Variants in ADAM17 observed in about 807,000 individuals in gnomAD.
ADAM17 encodes the protein ADAM metallopeptidase domain 17, also known as disintegrin and metalloproteinase domain-containing protein 17.
In ADAM17, 39 loss-of-function variants were observed where a neutral mutation model predicts 96.7. That is an observed-to-expected ratio of 0.40 (90% CI 0.31 to 0.53). The LOEUF is 0.53. Ranked by LOEUF, ADAM17 falls within the 20% of genes least tolerant of loss-of-function variation. The pLI is 0.44. For synonymous variants in ADAM17, 344 were observed against 359.2 expected, an observed-to-expected ratio of 0.96 and a Z score of 0.48; for missense variants, 777 against 1,013.2, an observed-to-expected ratio of 0.77 and a Z score of 3.17.
intron 11 of ADAM17, chr2:9,505,614 A>G: frequency 6.2e-6 from 3 of 487,738 alleles, no homozygotes; most frequent in African/African-American, 1.9e-5. Context: ...TACGAAGGTA[A>G]GCAAGCTATA....
chr2:9,508,070 C>G lies in ADAM17; in HGVS notation c.1344+1909G>C, dbSNP rs1189812546. ...CAGAACTGGCAGCAGGAAGAGTCAGCAGCATGCATGTCCACCCAGGCAGTC... is the reference window on the plus strand; with the variant it reads ...CAGAACTGGCAGCAGGAAGAGTCAGGAGCATGCATGTCCACCCAGGCAGTC... On this transcript the variant is annotated intron_variant, in intron 11 of 18. Transcript: ENST00000310823. 3.9e-5 allele frequency among the ~76,000 whole-genome samples: 6 copies of G among 152,292 alleles called. No individual in the cohort carries two copies. The South Asian group carries it at 1.2e-3, about 32-fold the overall frequency.
chr2:9,527,721 C>A, intron 5 of ADAM17, 65 bp downstream of exon 5: 1 of 1,104,122 alleles, frequency 9.1e-7, no homozygotes, highest in South Asian at 2.9e-5. Flanking sequence ...AAATAACAAC[C>A]ACCCCTACTG....
At chr2:9,548,040 C>A (rs367719755) in intron 1 of ADAM17, among the ~76,000 whole-genome samples, 39 of 151,276 alleles carry the variant, frequency 2.6e-4, no homozygotes, top group African/African-American at 8.7e-4. Flanking sequence ...GCACTCCAGC[C>A]TAGGCAACGA....
chr2:9,539,596 T>C (rs1665124442), intron 2 of ADAM17, among the ~76,000 whole-genome samples: 1 of 152,236 alleles, frequency 6.6e-6, no homozygotes, highest in Non-Finnish European at 1.5e-5. Flanking sequence ...TTACTTTGCC[T>C]TCCACTGCTA....
chr2:9,527,762 T>C, intron 5 of ADAM17, 24 bp downstream of exon 5: 1 of 1,456,452 alleles, frequency 6.9e-7, no homozygotes, highest in Non-Finnish European at 9.1e-7. Context: ...GTTTCTTATT[T>C]GAAATACACT....
intron 2 of ADAM17, among the ~76,000 whole-genome samples, chr2:9,537,307 T>C (rs929937442): frequency 2.0e-5 from 3 of 152,258 alleles, no homozygotes; most frequent in Non-Finnish European, 4.4e-5. Flanking sequence ...ACACAGCTAG[T>C]AAATGGTGAA....
At position 9,490,291 on chromosome 2, in the gene ADAM17, T is replaced by C; in HGVS notation, c.2361A>G (p.Thr787=). ...TGAGATCCTCAAATGACTTGGCAGCTGTGCTGCTATTTGGGAAGGGGTCCT... is the reference window on the plus strand; with the variant it reads ...TGAGATCCTCAAATGACTTGGCAGCCGTGCTGCTATTTGGGAAGGGGTCCT... ...FEKDPFPNSS[T]AAKSFEDLTD... is the part of the protein sequence containing the mutation. The change falls in exon 19 of 19, where the codon ACA becomes ACG. Residue 787 remains threonine, a synonymous_variant. Coordinates refer to ENST00000310823, the MANE Select transcript of ADAM17 (RefSeq NM_003183.6). 1 of 1,614,196 alleles carries C rather than the reference T, an allele frequency of 6.2e-7. No individual in the cohort carries two copies. The highest frequency in any genetic ancestry group is 1.3e-5 in the African/African-American group (1 of 75,060).
Position 9,526,114 on chromosome 2 carries a change from G to C in ADAM17, c.750C>G (p.Tyr250Ter). 6.2e-7 allele frequency: 1 copy of C among 1,600,848 alleles called. No homozygotes were observed. The change falls in exon 6 of 19, where the codon TAC becomes TAG. Residue 250 changes from tyrosine to a stop codon, truncating the protein, a stop_gained. Transcript: ENST00000310823. LOFTEE classifies it high-confidence loss of function. ...CGATGCAATATCAAATACTTACTAA[G>C]TAATTTGTAGTTGTACTCTCTTCCC... Reference protein sequence around the residue: ...GRGEESTTTNYLIELIDRVDD... With the variant: ...GRGEESTTTN
At chr2:9,495,304 C>T (rs542212933) in intron 14 of ADAM17, among the ~76,000 whole-genome samples, 7 of 152,194 alleles carry the variant, frequency 4.6e-5, no homozygotes, top group Non-Finnish European at 7.3e-5. Context: ...GATAAAACAC[C>T]GGGCATCTGT....
chr2:9,542,139 T>C (rs1311236794), intron 2 of ADAM17, among the ~76,000 whole-genome samples: 1 of 152,252 alleles, frequency 6.6e-6, no homozygotes, highest in African/African-American at 2.4e-5. Context: ...CCTGCAATTA[T>C]TTAACATTTC....
At chr2:9,508,473 T>C (rs1292528568) in intron 11 of ADAM17, among the ~76,000 whole-genome samples, 1 of 152,256 alleles carries the variant, frequency 6.6e-6, no homozygotes, top group Non-Finnish European at 1.5e-5. Flanking sequence ...TTCAAGTATA[T>C]AACTCAGTGA....
intron 5 of ADAM17, among the ~76,000 whole-genome samples, chr2:9,527,035 G>A (rs989633481): frequency 2.6e-5 from 4 of 151,628 alleles, no homozygotes; most frequent in Non-Finnish European, 5.9e-5. Flanking sequence ...TAACATAACC[G>A]TCTTTGGCCG....
At chr2:9,550,131 T>G (rs1163864081) in intron 1 of ADAM17, among the ~76,000 whole-genome samples, 1 of 152,100 alleles carries the variant, frequency 6.6e-6, no homozygotes, top group Admixed American at 6.5e-5. Flanking sequence ...GTAGTAAGTG[T>G]CAGGTGCGGG....
chr2:9,541,839 G>A lies in ADAM17; in HGVS notation c.230+1314C>T, dbSNP rs1572956244. Among the ~76,000 whole-genome samples the A allele has an allele frequency of 2.0e-5, 3 of 151,082 alleles. No homozygotes were observed. The Middle Eastern group carries it at 0.011, about 536-fold the overall frequency. ...GGATCACTTGAGGTGAGGAGTTCAA[G>A]ACCAGCCTGGCCAACATGGTGAAAC... On this transcript the variant is annotated intron_variant, in intron 2 of 18. Coordinates refer to ENST00000310823, the MANE Select transcript of ADAM17 (RefSeq NM_003183.6).
chr2:9,526,740 G>A (rs189129033), intron 5 of ADAM17, among the ~76,000 whole-genome samples: 26 of 152,208 alleles, frequency 1.7e-4, no homozygotes, highest in Admixed American at 1.0e-3. Context: ...AGGTTGCAGT[G>A]AGCCAAGATT....
intron 1 of ADAM17, 89 bp downstream of exon 1, chr2:9,555,420 C>T (rs1317254287): frequency 1.7e-6 from 2 of 1,170,740 alleles, no homozygotes; most frequent in African/African-American, 1.6e-5. Context: ...ATACCCCGCC[C>T]CCAAACACCT....
intron 16 of ADAM17, 33 bp from the exon 17 acceptor site, chr2:9,493,019 C>G: frequency 6.5e-7 from 1 of 1,530,152 alleles, no homozygotes; most frequent in Non-Finnish European, 8.9e-7. Context: ...AATGTCTTGA[C>G]CAAGTACTTC....
chr2:9,509,858 T>G, intron 11 of ADAM17, 121 bp downstream of exon 11: 1 of 1,287,014 alleles, frequency 7.8e-7, no homozygotes. Flanking sequence ...AGGTACTTTG[T>G]AATTTGCACA....
intron 17 of ADAM17, 108 bp downstream of exon 17, chr2:9,492,790 C>A: frequency 1.1e-6 from 1 of 875,488 alleles, no homozygotes; most frequent in Admixed American, 3.4e-5. Context: ...TTGGAAATAT[C>A]AGGCCAAACT....
Sources: gnomAD v4.1 joint callset for allele counts (sites outside exome capture counted in the v4.1 genomes callset) on GRCh38, gnomAD v4.1.1 for gene constraint, MANE v1.5 for transcripts, NCBI Gene and HGNC (gene_info 2026-07-23, HGNC 2026-07-21) for gene names.